Variants in TTC21A observed in about 807,000 individuals in gnomAD.
The protein encoded by TTC21A is tetratricopeptide repeat domain 21A.
TTC21A carries 128 observed loss-of-function variants against 156.4 expected under a neutral mutation model. The observed-to-expected ratio is 0.82, with a 90% CI of 0.71 to 0.95. The LOEUF (loss-of-function observed/expected upper bound fraction) is 0.95, where lower values mean the gene tolerates loss of function less well. Among genes scored for constraint, TTC21A ranks in the 40% least tolerant of loss-of-function variants. The pLI, the probability that TTC21A is intolerant of heterozygous loss-of-function variation, is 0.00. For synonymous variants in TTC21A, 587 were observed against 617.1 expected (o/e 0.95, Z 0.72); for missense variants, 1,435 against 1,602.3 (o/e 0.90, Z 1.78).
At chr3:39,107,915 G>T (rs1156862847) in intron 1 of TTC21A, 51 bp downstream of exon 1, 6 of 1,580,600 alleles carry the variant, frequency 3.8e-6, no homozygotes, top group Non-Finnish European at 4.3e-6. Context: ...CCCCGCCCCT[G>T]ACCCAGAGAC....
chr3:39,131,161 G>A, intron 19 of TTC21A, 66 bp downstream of exon 19: 1 of 1,376,692 alleles, frequency 7.3e-7, no homozygotes, highest in Non-Finnish European at 1.0e-6. Flanking sequence ...GGAGGAGGAA[G>A]GAGAGAGCTC....
intron 5 of TTC21A, among the ~76,000 whole-genome samples, chr3:39,113,870 C>T (rs1014831496): frequency 1.3e-5 from 2 of 152,188 alleles, no homozygotes; most frequent in Non-Finnish European, 2.9e-5. Context: ...CACATTTATG[C>T]GTAAGTCTTC....
At chr3:39,117,576 T>A (rs1559678746) in intron 6 of TTC21A, among the ~76,000 whole-genome samples, 2 of 152,228 alleles carry the variant, frequency 1.3e-5, no homozygotes, top group Admixed American at 1.3e-4. Flanking sequence ...AGTTGGGTTA[T>A]GAATAAGTTT....
chr3:39,112,505 C>T lies in TTC21A; in HGVS notation c.483C>T (p.His161=). 6.2e-7 allele frequency: 1 copy of T among 1,614,152 alleles called. No individual in the cohort carries two copies. The highest frequency in any genetic ancestry group is 1.1e-5 in the South Asian group (1 of 91,080). ...GWVDLTSDKP[H]TAKKAIEYLE... ...TGGACCTGACCTCAGACAAGCCCCA[C>T]ACTGCGAAGAAAGCCATTGAGTACC... The change falls in exon 5 of 29, where the codon CAC becomes CAT. Residue 161 remains histidine (H), a synonymous_variant. Transcript: ENST00000683103.
In TTC21A at chr3:39,109,337, C is replaced by T. The variant is rs569276644; in HGVS notation, c.157+123C>T. ...CCCATAAAAACAGTTTCACACTCAG[C>T]GGCTGGATTCCCACGGGAATCCACA... On this transcript the variant is annotated intron_variant, in intron 2 of 28. Transcript: ENST00000683103. 1.4e-3 allele frequency: 1,575 copies of T among 1,110,812 alleles called. 2 individuals are homozygous for T. Among genetic ancestry groups the T allele is most frequent in the Middle Eastern group, 3.1e-3 (10 of 3,194 alleles). The allele number at this position is 1,110,812 out of a possible 1,614,324, so 68.8% of individuals were successfully genotyped here.
Position 39,107,851 on chromosome 3 carries a change from A to G in TTC21A, c.14A>G (p.Asp5Gly). Residue 5 changes from aspartate to glycine, a missense_variant, in exon 1 of 29, where the codon GAC becomes GGC. Transcript: ENST00000683103. ...GAGCGGCCCGAGATGAGCAGCAATGACTCCTCCCTTATGGTGCGTGGCCCG... is the reference window on the plus strand; with the variant it reads ...GAGCGGCCCGAGATGAGCAGCAATGGCTCCTCCCTTATGGTGCGTGGCCCG... MSSN[D>G]SSLMAGIIYY... is the part of the protein sequence containing the mutation. The G allele has an allele frequency of 1.9e-6, 3 of 1,610,934 alleles. No individual in the cohort carries two copies. The highest frequency in any genetic ancestry group is 2.2e-5 in the South Asian group (2 of 90,956).
In TTC21A at chr3:39,121,207, A is replaced by G; in HGVS notation, c.1093+18A>G. 6.2e-7 allele frequency: 1 copy of G among 1,602,488 alleles called. No homozygotes were observed. The highest frequency in any genetic ancestry group is 8.5e-7 in the Non-Finnish European group (1 of 1,172,764). ...TTTGACAGGTATATGCAGGTGTGGC[A>G]GGGCTCAGGGATGGGTGTCGGGAGC... is the stretch of plus-strand genomic sequence containing the variant. On this transcript the variant is annotated intron_variant, in intron 9 of 28. Transcript: ENST00000683103.
intron 9 of TTC21A, among the ~76,000 whole-genome samples, chr3:39,123,835 G>GA (rs891697189): frequency 4.0e-5 from 6 of 150,498 alleles, no homozygotes. Context: ...AACATAAAGA[G>GA]AAAAAAAATC....
Position 39,138,605 on chromosome 3 carries a change from C to T in TTC21A, c.3846C>T (p.Ala1282=). ...TGAAGGACAAGAAATTTGTGGAGGC[C>T]ATTGAAATCTGCAACGATGTAAGCC... ...NYLKDKKFVE[A]IEICNDVLRE... Residue 1282 remains alanine (A), a synonymous_variant, in exon 28 of 29, where the codon GCC becomes GCT. Transcript: ENST00000683103. 2 of 1,614,174 alleles carry T rather than the reference C, an allele frequency of 1.2e-6. No individual in the cohort carries two copies. Among genetic ancestry groups the T allele is most frequent in the East Asian group, 4.5e-5 (2 of 44,882 alleles).
At chr3:39,117,863 C>A (rs1046706768) in intron 6 of TTC21A, among the ~76,000 whole-genome samples, 1 of 152,192 alleles carries the variant, frequency 6.6e-6, no homozygotes, top group Non-Finnish European at 1.5e-5. Context: ...TAGGTCAGAC[C>A]TTTGTCACAT....
chr3:39,131,220 C>T (rs2038707899), intron 19 of TTC21A, 125 bp downstream of exon 19: 3 of 662,934 alleles, frequency 4.5e-6, no homozygotes, highest in Non-Finnish European at 7.7e-6. Context: ...ACCTAGGTTA[C>T]ACCTCTGACA....
At chr3:39,122,286 G>A (rs2037832044) in intron 9 of TTC21A, among the ~76,000 whole-genome samples, 1 of 150,416 alleles carries the variant, frequency 6.6e-6, no homozygotes, top group African/African-American at 2.5e-5. Context: ...ACTGCAGCCT[G>A]GGCCACAGAG....
Position 39,128,837 on chromosome 3 carries a change from G to T in TTC21A, c.1801G>T (p.Glu601Ter). The T allele has an allele frequency of 6.2e-7, 1 of 1,614,204 alleles. No homozygotes were observed. The highest frequency in any genetic ancestry group is 1.7e-5 in the Admixed American group (1 of 60,028). The change falls in exon 14 of 29, where the codon GAA becomes TAA. Residue 601 changes from glutamate (E) to a stop codon, truncating the protein, a stop_gained. Transcript: ENST00000683103. LOFTEE classifies it high-confidence loss of function. ...CAAATTGCCAGCTCTGAAGAAGGAAGAAGGCAGAAAGTTCCTCAGGCCCTC... is the reference window on the plus strand; with the variant it reads ...CAAATTGCCAGCTCTGAAGAAGGAATAAGGCAGAAAGTTCCTCAGGCCCTC... ...VIKLPALKKE[E>*]GRKFLRPSVQ...
Position 39,125,080 on chromosome 3 carries a change from A to G in TTC21A, c.1111A>G (p.Ile371Val). The change falls in exon 10 of 29, where the codon ATC becomes GTC. Residue 371 changes from isoleucine (I) to valine (V), a missense_variant. Coordinates refer to ENST00000683103, the MANE Select transcript of TTC21A (RefSeq NM_001366900.1). ...ATTTACAGGGATCATCTTGTGTCAT[A>G]TCTTAGAAGGCCACCTGGAGGAAGC... is the stretch of plus-strand genomic sequence containing the variant. ...AGLTGIILCH[I>V]LEGHLEEAEY... 1 of 1,613,374 alleles carries G rather than the reference A, an allele frequency of 6.2e-7. No individual in the cohort carries two copies.
chr3:39,110,742 T>A (rs1388686337), intron 3 of TTC21A, 109 bp from the exon 4 acceptor site: 1 of 1,143,414 alleles, frequency 8.7e-7, no homozygotes, highest in Admixed American at 2.3e-5. Context: ...AGATCCACAG[T>A]GTCTGGGGGA....
At chr3:39,118,339 C>A in intron 7 of TTC21A, 186 bp downstream of exon 7, 1 of 620,824 alleles carries the variant, frequency 1.6e-6, no homozygotes, top group Non-Finnish European at 2.9e-6. Context: ...AGTTGTGTAG[C>A]TTGGGAGTCA....
chr3:39,118,292 T>TGGGAC, intron 7 of TTC21A, 139 bp downstream of exon 7: 1 of 795,868 alleles, frequency 1.3e-6, no homozygotes, highest in Non-Finnish European at 2.1e-6. Context: ...ACCCCTATAC[T>TGGGAC]CGCTGCCAAG....
At position 39,114,724 on chromosome 3, in the gene TTC21A, CAGT is replaced by C; in HGVS notation, c.701_703del (p.Val234del). The C allele has an allele frequency of 6.2e-7, 1 of 1,614,188 alleles. No individual in the cohort carries two copies. The highest frequency in any genetic ancestry group is 8.5e-7 in the Non-Finnish European group (1 of 1,180,036). ...TTAGCTCGGCAGGACTGGGAGCAGA[CAGT>C]AGAAATGGGACACAGGTGAGCTACT... On this transcript the variant is annotated inframe_deletion, in exon 6 of 29. Transcript: ENST00000683103.
intron 23 of TTC21A, 93 bp from the exon 24 acceptor site, chr3:39,136,806 C>A: frequency 1.4e-6 from 2 of 1,468,526 alleles, no homozygotes; most frequent in Non-Finnish European, 1.9e-6. Context: ...CCAGCCTCTG[C>A]TTTGTGCAGA....
Sources: gnomAD v4.1 joint callset for allele counts (sites outside exome capture counted in the v4.1 genomes callset) on GRCh38, gnomAD v4.1.1 for gene constraint, MANE v1.5 for transcripts, NCBI Gene and HGNC (gene_info 2026-07-23, HGNC 2026-07-21) for gene names.